Variants in RTN1 observed in about 807,000 individuals in gnomAD.
RTN1 encodes reticulon 1.
In RTN1, 25 loss-of-function variants were observed where a neutral mutation model predicts 65.5. The observed-to-expected ratio is 0.38, with a 90% CI of 0.28 to 0.53. The LOEUF (loss-of-function observed/expected upper bound fraction) is 0.53. Ranked by LOEUF, RTN1 falls within the 20% of genes least tolerant of loss-of-function variation. RTN1 has a pLI of 0.79. For missense variants in RTN1, 983 were observed against 1,025.4 expected, an observed-to-expected ratio of 0.96 and a Z score of 0.57; for synonymous variants, 471 against 447.6, an observed-to-expected ratio of 1.05 and a Z score of -0.66.
At chr14:59,783,188 A>G (rs994888002) in intron 1 of RTN1, among the ~76,000 whole-genome samples, 1 of 152,148 alleles carries the variant, frequency 6.6e-6, no homozygotes, top group Non-Finnish European at 1.5e-5. Flanking sequence ...ACACCCCTCT[A>G]TGCCTATGTA....
intron 1 of RTN1, among the ~76,000 whole-genome samples, chr14:59,751,589 G>A (rs1885523910): frequency 6.6e-6 from 1 of 152,172 alleles, no homozygotes; most frequent in African/African-American, 2.4e-5. Context: ...GTCTGGAGAG[G>A]TGGGGAGTGA....
intron 3 of RTN1, among the ~76,000 whole-genome samples, chr14:59,633,035 C>G (rs758086307): frequency 6.6e-6 from 1 of 152,094 alleles, no homozygotes; most frequent in Admixed American, 6.5e-5. Context: ...CCAGGGAGAT[C>G]GAGGCTGCAG....
chr14:59,816,688 C>T lies in RTN1; in HGVS notation c.241+53702G>A, dbSNP rs1439152482. 6.6e-6 allele frequency among the ~76,000 whole-genome samples: 1 copy of T among 152,102 alleles called. No homozygotes were observed. Among genetic ancestry groups the T allele is most frequent in the East Asian group, 1.9e-4 (1 of 5,192 alleles). Reference sequence around the variant, plus strand: ...GTGGCTCATGCCTGTAATCCCAGCACTTTAGGAGGCCGAGGCTGGCGAATC... The same window carrying T: ...GTGGCTCATGCCTGTAATCCCAGCATTTTAGGAGGCCGAGGCTGGCGAATC... On this transcript the variant is annotated intron_variant, in intron 1 of 8. Transcript: ENST00000267484. The surrounding 1 kb of genome is among the most constrained non-coding windows in gnomAD (Gnocchi z 4.3).
At chr14:59,674,884 G>C (rs1883589697) in intron 3 of RTN1, among the ~76,000 whole-genome samples, 1 of 152,080 alleles carries the variant, frequency 6.6e-6, no homozygotes, top group Non-Finnish European at 1.5e-5. Flanking sequence ...ATATGTATCA[G>C]GTACACTCCT....
At chr14:59,821,643 T>G (rs1382769604) in intron 1 of RTN1, among the ~76,000 whole-genome samples, 1 of 152,242 alleles carries the variant, frequency 6.6e-6, no homozygotes, top group East Asian at 1.9e-4. Flanking sequence ...TGATGTTGAC[T>G]GTAGGTTTGT....
chr14:59,696,200 T>C (rs1488680228), intron 3 of RTN1, among the ~76,000 whole-genome samples: 1 of 152,198 alleles, frequency 6.6e-6, no homozygotes, highest in African/African-American at 2.4e-5. Context: ...GACAAGGTCA[T>C]GTACCTTTAT....
chr14:59,600,911 T>C (rs1392255103), intron 8 of RTN1, among the ~76,000 whole-genome samples: 1 of 152,216 alleles, frequency 6.6e-6, no homozygotes, highest in East Asian at 1.9e-4. Flanking sequence ...GCCATGCCCT[T>C]GTCACTTTTA....
At chr14:59,714,106 G>T (rs1480331902) in intron 3 of RTN1, among the ~76,000 whole-genome samples, 2 of 152,010 alleles carry the variant, frequency 1.3e-5, no homozygotes, top group Non-Finnish European at 2.9e-5. Flanking sequence ...ATGGTGGCAG[G>T]CGCCTGTAAT....
intron 3 of RTN1, among the ~76,000 whole-genome samples, chr14:59,673,520 C>A (rs1055069815): frequency 2.6e-5 from 4 of 152,224 alleles, no homozygotes; most frequent in Admixed American, 6.5e-5. Flanking sequence ...AAGCTCTCAA[C>A]TGCGAGAGGG....
intron 2 of RTN1, among the ~76,000 whole-genome samples, chr14:59,740,346 T>C (rs372390427): frequency 6.6e-6 from 1 of 152,178 alleles, no homozygotes; most frequent in Non-Finnish European, 1.5e-5. Flanking sequence ...TGGATGTAAC[T>C]CCATGTGTGA....
intron 3 of RTN1, among the ~76,000 whole-genome samples, chr14:59,707,934 T>G (rs1884333923): frequency 6.6e-6 from 1 of 152,200 alleles, no homozygotes. Context: ...AGGGAATTGC[T>G]GCAAGTAAGC....
intron 3 of RTN1, among the ~76,000 whole-genome samples, chr14:59,618,001 G>A (rs1484896052): frequency 6.6e-6 from 1 of 152,010 alleles, no homozygotes; most frequent in African/African-American, 2.4e-5. Context: ...GGACTGAAAC[G>A]GCCTTTGCAA....
At chr14:59,799,322 T>A (rs1158918866) in intron 1 of RTN1, among the ~76,000 whole-genome samples, 4 of 152,208 alleles carry the variant, frequency 2.6e-5, no homozygotes, top group Non-Finnish European at 4.4e-5. Flanking sequence ...GAATTCTGCT[T>A]CTTAACAAGT....
intron 1 of RTN1, among the ~76,000 whole-genome samples, chr14:59,780,059 G>C (rs1338724442): frequency 4.6e-5 from 7 of 152,302 alleles, no homozygotes; most frequent in Admixed American, 2.0e-4. Flanking sequence ...TTCTGGCCTT[G>C]ATCCCTCATT....
At chr14:59,681,972 T>C (rs1883753892) in intron 3 of RTN1, among the ~76,000 whole-genome samples, 1 of 152,208 alleles carries the variant, frequency 6.6e-6, no homozygotes, top group Non-Finnish European at 1.5e-5. Context: ...AACTATCCTT[T>C]TGGTTACCAA....
intron 3 of RTN1, among the ~76,000 whole-genome samples, chr14:59,649,447 A>G (rs1419171550): frequency 6.6e-6 from 1 of 152,220 alleles, no homozygotes; most frequent in East Asian, 1.9e-4. Flanking sequence ...ACAGCAAAAT[A>G]AACTATCATC....
At chr14:59,673,934 C>T (rs545765297) in intron 3 of RTN1, among the ~76,000 whole-genome samples, 1 of 152,086 alleles carries the variant, frequency 6.6e-6, no homozygotes, top group East Asian at 1.9e-4. Context: ...TGATTCAATC[C>T]CCCAATCTTA....
rs1220140750 is a variant in RTN1 at position 59,870,188 on chromosome 14, T to G, written c.241+202A>C. Among the ~76,000 whole-genome samples the G allele has an allele frequency of 6.6e-6, 1 of 152,232 alleles. No homozygotes were observed. Among genetic ancestry groups the G allele is most frequent in the African/African-American group, 2.4e-5 (1 of 41,464 alleles). The stretch of plus-strand genomic sequence containing the variant: ...TAAAAGGATCAAAAGCATCTTGACT[T>G]TTTCTGAGCCTTTGGGAAAAATAAA... On this transcript the variant is annotated intron_variant, in intron 1 of 8. Transcript: ENST00000267484. This position sits in a 1 kb window ranked among gnomAD's most constrained non-coding sequence, Gnocchi z 5.1.
At chr14:59,820,382 T>C (rs1021268081) in intron 1 of RTN1, among the ~76,000 whole-genome samples, 97 of 136,180 alleles carry the variant, frequency 7.1e-4, no homozygotes, top group African/African-American at 2.5e-3. Context: ...TTTTTTTTGC[T>C]GTGCAGAAGC....
Sources: gnomAD v4.1 joint callset for allele counts (sites outside exome capture counted in the v4.1 genomes callset) on GRCh38, gnomAD v4.1.1 for gene constraint, Gnocchi (gnomAD v3.1) non-coding constraint, MANE v1.5 for transcripts, NCBI Gene and HGNC (gene_info 2026-07-23, HGNC 2026-07-21) for gene names.